Variants in SOS1 observed in about 807,000 individuals in gnomAD.
The protein encoded by SOS1 is SOS Ras/Rac guanine nucleotide exchange factor 1.
In SOS1, 25 loss-of-function variants were observed where a neutral mutation model predicts 157.6. The ratio of observed to expected loss-of-function variants is 0.16; its 90% CI spans 0.12 to 0.22. The LOEUF (loss-of-function observed/expected upper bound fraction) is 0.22, where lower values mean the gene tolerates loss of function less well. SOS1 is among the 10% of genes least tolerant of loss of function. SOS1 has a pLI of 1.00. For missense variants in SOS1, 1,237 were observed against 1,599.1 expected (o/e 0.77, Z 3.86); for synonymous variants, 528 against 534.0 (o/e 0.99, Z 0.16).
At position 39,072,125 on chromosome 2, in the gene SOS1, G is replaced by A. The variant is rs1287557015; in HGVS notation, c.88-4372C>T. Among the ~76,000 whole-genome samples, 7 of 152,166 alleles carry A rather than the reference G, an allele frequency of 4.6e-5. No homozygotes were observed. The East Asian group carries it at 1.4e-3, about 29-fold the overall frequency. ...CAGATATGAATCAAATATAATCCCT[G>A]CTTGTATGGTCCTTATACTCTTACT... is the stretch of plus-strand genomic sequence containing the variant. On this transcript the variant is annotated intron_variant, in intron 1 of 22. Coordinates refer to ENST00000402219, the MANE Select transcript of SOS1 (RefSeq NM_005633.4).
chr2:39,036,579 G>GTTTTTTC (rs775244481), intron 6 of SOS1, among the ~76,000 whole-genome samples: 65 of 146,396 alleles, frequency 4.4e-4, no homozygotes, highest in Non-Finnish European at 3.6e-4. Context: ...GTCGTTTTTT[G>GTTTTTTC]TTTTTTCTTT....
chr2:39,114,138 C>T (rs1328349961), intron 1 of SOS1, among the ~76,000 whole-genome samples: 1 of 152,070 alleles, frequency 6.6e-6, no homozygotes, highest in Non-Finnish European at 1.5e-5. Context: ...CCCTGTCACC[C>T]AGACGGCAGT....
intron 18 of SOS1, 83 bp downstream of exon 18, chr2:38,997,170 C>T (rs957229674): frequency 1.7e-6 from 2 of 1,185,070 alleles, no homozygotes; most frequent in African/African-American, 3.1e-5. Flanking sequence ...TTTACTTTTT[C>T]TCCCCTATAA....
intron 1 of SOS1, among the ~76,000 whole-genome samples, chr2:39,117,352 T>G (rs946599852): frequency 3.9e-5 from 6 of 152,086 alleles, no homozygotes; most frequent in African/African-American, 1.4e-4. Flanking sequence ...TTAGCCTGAG[T>G]GTCAAGGGCA....
chr2:39,061,406 G>T (rs1040534122), intron 2 of SOS1, among the ~76,000 whole-genome samples: 1 of 151,890 alleles, frequency 6.6e-6, no homozygotes, highest in Non-Finnish European at 1.5e-5. Context: ...ATTTTGGGGG[G>T]GAACAGGGTC....
rs548407192 is a variant in SOS1 at position 39,099,624 on chromosome 2, C to T, written c.87+20712G>A. Among the ~76,000 whole-genome samples the T allele has an allele frequency of 8.3e-4, 126 of 152,140 alleles. 1 individual carries two copies. The South Asian group carries it at 0.018, about 21-fold the overall frequency. On this transcript the variant is annotated intron_variant, in intron 1 of 22. Coordinates refer to ENST00000402219, the MANE Select transcript of SOS1 (RefSeq NM_005633.4). ...ATACCAAAAGCCCAGGCAACAAAAG[C>T]AAAAATAAACAACTTGGACTACATC...
chr2:39,009,729 A>C lies in SOS1; in HGVS notation c.2510+855T>G, dbSNP rs1042420202. Among the ~76,000 whole-genome samples, 3 of 152,156 alleles carry C rather than the reference A, an allele frequency of 2.0e-5. No individual in the cohort carries two copies. The South Asian group carries it at 6.2e-4, about 32-fold the overall frequency. On this transcript the variant is annotated intron_variant, in intron 15 of 22. Transcript: ENST00000402219. Reference sequence around the variant, plus strand: ...TCATTAATAAGATGTAATATGTATTACAGTACCACAAAAAAAAGGGAGAAA... The same window carrying C: ...TCATTAATAAGATGTAATATGTATTCCAGTACCACAAAAAAAAGGGAGAAA...
At chr2:39,053,147 C>G (rs1220674662) in intron 5 of SOS1, among the ~76,000 whole-genome samples, 1 of 151,738 alleles carries the variant, frequency 6.6e-6, no homozygotes, top group Non-Finnish European at 1.5e-5. Context: ...GCCGAGACTA[C>G]GTCTCAAGAA....
intron 6 of SOS1, among the ~76,000 whole-genome samples, chr2:39,042,206 C>G (rs1221386136): frequency 6.6e-6 from 1 of 152,144 alleles, no homozygotes; most frequent in Non-Finnish European, 1.5e-5. Context: ...GTCCCCTCAA[C>G]TTGTTCTTCC....
At chr2:39,123,149 T>TA (rs1388999701), upstream of SOS1, among the ~76,000 whole-genome samples, 2 of 152,156 alleles carry the variant, frequency 1.3e-5, no homozygotes. Context: ...CTAGAACCCC[T>TA]AACTGTTCCC....
chr2:39,082,191 G>A (rs889437314), intron 1 of SOS1, among the ~76,000 whole-genome samples: 7 of 151,990 alleles, frequency 4.6e-5, no homozygotes, highest in East Asian at 3.8e-4. Context: ...CCACATCCCC[G>A]CTACAAAACT....
intron 5 of SOS1, among the ~76,000 whole-genome samples, chr2:39,052,968 C>T (rs1216956599): frequency 1.3e-5 from 2 of 152,100 alleles, no homozygotes; most frequent in South Asian, 2.1e-4. Flanking sequence ...GCCTGGTCAA[C>T]ATGGTGAAAC....
chr2:39,014,832 G>T lies in SOS1; in HGVS notation c.1873C>A (p.Arg625=). The T allele has an allele frequency of 6.3e-7, 1 of 1,589,428 alleles. No individual in the cohort carries two copies. The highest frequency in any genetic ancestry group is 1.1e-5 in the South Asian group (1 of 90,356). The change falls in exon 11 of 23, where the codon CGG becomes AGG. Residue 625 remains arginine (R), a synonymous_variant. Coordinates refer to ENST00000402219, the MANE Select transcript of SOS1 (RefSeq NM_005633.4). ...GATCTGTATGTTGTAAGAAATGTCC[G>T]AACAAAATTGGGATCTAAGAAGAAA... is the stretch of plus-strand genomic sequence containing the variant. ...YHMYADPNFV[R]TFLTTYRSFC...
chr2:39,112,757 G>A (rs1376287677), intron 1 of SOS1, among the ~76,000 whole-genome samples: 1 of 152,162 alleles, frequency 6.6e-6, no homozygotes, highest in African/African-American at 2.4e-5. Context: ...GAGGTGATTT[G>A]GCCAGGTGCA....
chr2:39,114,863 G>T (rs920332205), intron 1 of SOS1, among the ~76,000 whole-genome samples: 1 of 152,142 alleles, frequency 6.6e-6, no homozygotes, highest in African/African-American at 2.4e-5. Flanking sequence ...CTCCCAACAT[G>T]CTAGGATTAC....
intron 1 of SOS1, among the ~76,000 whole-genome samples, chr2:39,116,784 G>A (rs1021853680): frequency 6.6e-6 from 1 of 152,166 alleles, no homozygotes; most frequent in Non-Finnish European, 1.5e-5. Context: ...CCAGGAGGTG[G>A]AGGCTGCAGT....
At chr2:39,001,912 C>T (rs1669112563) in intron 17 of SOS1, among the ~76,000 whole-genome samples, 1 of 152,170 alleles carries the variant, frequency 6.6e-6, no homozygotes, top group Admixed American at 6.5e-5. Flanking sequence ...CTTTGTGTGC[C>T]TATCAAACTA....
chr2:39,068,595 AC>A (rs1671673100), intron 1 of SOS1, among the ~76,000 whole-genome samples: 2 of 152,208 alleles, frequency 1.3e-5, no homozygotes, highest in Non-Finnish European at 2.9e-5. Context: ...ACACAAAGTC[AC>A]CCTGTATCAA....
At chr2:39,040,051 G>T (rs569992224) in intron 6 of SOS1, among the ~76,000 whole-genome samples, 5 of 151,186 alleles carry the variant, frequency 3.3e-5, no homozygotes, top group Non-Finnish European at 7.4e-5. Flanking sequence ...TTGCTCTGTC[G>T]CCCAGGCTGG....
Sources: allele counts gnomAD v4.1 joint callset (sites outside exome capture counted in the v4.1 genomes callset), GRCh38; gene constraint gnomAD v4.1.1; transcripts MANE v1.5; gene names NCBI Gene and HGNC (gene_info 2026-07-23, HGNC 2026-07-21).